The following ARL6 variants were observed in gnomAD, a reference collection of about 807,000 sequenced individuals.
The protein encoded by ARL6 is ADP-ribosylation factor-like protein 6.
In ARL6, 18 loss-of-function variants were observed where a neutral mutation model predicts 27.1. That is an observed-to-expected ratio of 0.66 (90% CI 0.46 to 0.98). The LOEUF (loss-of-function observed/expected upper bound fraction) is 0.98, where lower values mean the gene tolerates loss of function less well. ARL6 is among the 50% of genes least tolerant of loss of function. ARL6 has a pLI of 0.00. For missense variants in ARL6, 187 were observed against 214.9 expected, an observed-to-expected ratio of 0.87 and a Z score of 0.81; for synonymous variants, 65 against 72.3, an observed-to-expected ratio of 0.90 and a Z score of 0.51.
chr3:97,772,014 T>A (rs2036660425), intron 2 of ARL6, among the ~76,000 whole-genome samples: 1 of 152,178 alleles, frequency 6.6e-6, no homozygotes, highest in South Asian at 2.1e-4. Flanking sequence ...TCCTGACTAG[T>A]TTCGGTGTCA....
chr3:97,769,441 G>A (rs1478574523), intron 2 of ARL6, among the ~76,000 whole-genome samples: 2 of 151,788 alleles, frequency 1.3e-5, no homozygotes, highest in African/African-American at 4.8e-5. Context: ...CAAATTTAGG[G>A]GTTACATGTG....
chr3:97,784,818 C>A, intron 4 of ARL6, 137 bp from the exon 5 acceptor site: 1 of 584,534 alleles, frequency 1.7e-6, no homozygotes, highest in Non-Finnish European at 3.1e-6. Flanking sequence ...TAATAAGAAA[C>A]AACACCAAAA....
chr3:97,782,077 C>T (rs1043950453), intron 4 of ARL6, among the ~76,000 whole-genome samples: 4 of 151,596 alleles, frequency 2.6e-5, no homozygotes, highest in Admixed American at 1.3e-4. Context: ...GCTTCAGATT[C>T]GAGGGTTAGT....
intron 5 of ARL6, among the ~76,000 whole-genome samples, chr3:97,786,490 C>T (rs546545280): frequency 6.6e-6 from 1 of 152,174 alleles, no homozygotes; most frequent in East Asian, 1.9e-4. Context: ...ATACTTCAAA[C>T]AATGGGGATT....
intron 2 of ARL6, 116 bp downstream of exon 2, chr3:97,768,346 C>G (rs536783993): frequency 9.5e-7 from 1 of 1,056,856 alleles, no homozygotes; most frequent in African/African-American, 1.6e-5. Flanking sequence ...ATTCTGTTAA[C>G]CTTTCAGTAC....
At chr3:97,790,659 T>G (rs1040672513) in intron 6 of ARL6, among the ~76,000 whole-genome samples, 3 of 152,136 alleles carry the variant, frequency 2.0e-5, no homozygotes, top group African/African-American at 7.2e-5. Flanking sequence ...TACTGATCTC[T>G]TACTCTTACC....
At chr3:97,794,564 C>T (rs984665066) in intron 7 of ARL6, among the ~76,000 whole-genome samples, 1 of 151,866 alleles carries the variant, frequency 6.6e-6, no homozygotes, top group Non-Finnish European at 1.5e-5. Context: ...TTGTCATATT[C>T]CCAACTGTCT....
rs958521524 is a variant in ARL6, at chr3:97,764,968, C to CA, written c.-32dup. Reference sequence around the variant, plus strand: ...GCTCCTGCGCCCTCCGGACTAACCTCAAAAACCAGGTATCTCCTCAACGCC... The same window carrying CA: ...GCTCCTGCGCCCTCCGGACTAACCTCAAAAAACCAGGTATCTCCTCAACGCC... On this transcript the variant is annotated 5_prime_UTR_variant, in exon 1 of 8. Coordinates refer to ENST00000463745, the MANE Select transcript of ARL6 (RefSeq NM_001278293.3). 5 of 152,196 alleles carry CA rather than the reference C, an allele frequency of 3.3e-5. No individual in the cohort carries two copies. The highest frequency in any genetic ancestry group is 1.2e-4 in the African/African-American group (5 of 41,430). The allele number at this position is 152,196 out of a possible 1,614,324, so 9.4% of individuals were successfully genotyped here.
chr3:97,779,504 C>T (rs1470844627), intron 2 of ARL6, among the ~76,000 whole-genome samples: 2 of 151,698 alleles, frequency 1.3e-5, no homozygotes, highest in Non-Finnish European at 2.9e-5. Flanking sequence ...TTGTAAACTC[C>T]ATAAAGGCAG....
intron 7 of ARL6, among the ~76,000 whole-genome samples, chr3:97,795,948 G>C (rs1201607074): frequency 6.6e-6 from 1 of 152,152 alleles, no homozygotes; most frequent in Non-Finnish European, 1.5e-5. Context: ...CAGTAGGCAG[G>C]ATATAGGAAG....
intron 2 of ARL6, 131 bp downstream of exon 2, chr3:97,768,361 A>C: frequency 1.1e-6 from 1 of 883,582 alleles, no homozygotes. Context: ...CAGTACCTTT[A>C]AGTATCCTCA....
At chr3:97,796,296 T>C (rs1035591631) in intron 7 of ARL6, among the ~76,000 whole-genome samples, 3 of 152,020 alleles carry the variant, frequency 2.0e-5, no homozygotes, top group Non-Finnish European at 4.4e-5. Context: ...GGTGTTACTT[T>C]CATGAATAAA....
intron 2 of ARL6, among the ~76,000 whole-genome samples, chr3:97,776,776 T>C (rs1227675780): frequency 1.3e-5 from 2 of 151,932 alleles, no homozygotes; most frequent in Admixed American, 1.3e-4. Flanking sequence ...GCTACCTCAG[T>C]CTCCTGAGTA....
chr3:97,791,722 G>C (rs757625205), intron 6 of ARL6, 49 bp from the exon 7 acceptor site: 4 of 1,543,728 alleles, frequency 2.6e-6, no homozygotes, highest in Admixed American at 1.7e-5. Flanking sequence ...TATTCTTATA[G>C]TTTTGTGATG....
At chr3:97,783,087 T>G (rs1390510995) in intron 4 of ARL6, among the ~76,000 whole-genome samples, 1 of 151,336 alleles carries the variant, frequency 6.6e-6, no homozygotes, top group African/African-American at 2.4e-5. Flanking sequence ...ATACTATTTT[T>G]ACAATATAAA....
chr3:97,798,099 T>G lies in ARL6; in HGVS notation c.*50T>G, dbSNP rs757089176. The G allele has an allele frequency of 9.0e-6, 14 of 1,548,268 alleles. No homozygotes were observed. The South Asian group carries it at 1.6e-4, about 17-fold the overall frequency. ...CAATTTTCAATTCAAGGAATCTATC[T>G]AAGACAAATAGAATACATTTTGTAA... On this transcript the variant is annotated 3_prime_UTR_variant, in exon 8 of 8. Coordinates refer to ENST00000463745, the MANE Select transcript of ARL6 (RefSeq NM_001278293.3).
intron 5 of ARL6, among the ~76,000 whole-genome samples, chr3:97,787,514 T>G (rs960959696): frequency 6.6e-6 from 1 of 152,148 alleles, no homozygotes; most frequent in African/African-American, 2.4e-5. Flanking sequence ...TATTGTCTAT[T>G]CAAAAAAATG....
At chr3:97,796,335 G>GA (rs141672909) in intron 7 of ARL6, among the ~76,000 whole-genome samples, 4 of 150,866 alleles carry the variant, frequency 2.7e-5, no homozygotes, top group African/African-American at 7.3e-5. Flanking sequence ...AAGAAAGAAC[G>GA]AAAAAAAATG....
In ARL6 at chr3:97,800,749, A is replaced by C. The variant is rs1483409377; in HGVS notation, c.*2700A>C. On this transcript the variant is annotated 3_prime_UTR_variant, in exon 8 of 8. Transcript: ENST00000463745. ...AGACTGGGTGGCTTATAAACGACAG[A>C]AATTTATTTCTTACAGCTCTGGAGC... 6.6e-6 allele frequency: 1 copy of C among 152,216 alleles called. No individual in the cohort carries two copies. Among genetic ancestry groups the C allele is most frequent in the Non-Finnish European group, 1.5e-5 (1 of 68,040 alleles). The allele number at this position is 152,216 out of a possible 1,614,324, so 9.4% of individuals were successfully genotyped here.
Sources: gnomAD v4.1 joint callset for allele counts (sites outside exome capture counted in the v4.1 genomes callset) on GRCh38, gnomAD v4.1.1 for gene constraint, MANE v1.5 for transcripts, NCBI Gene and HGNC (gene_info 2026-07-23, HGNC 2026-07-21) for gene names.